Variants in CCDC91 observed in about 807,000 individuals in gnomAD.
CCDC91 encodes coiled-coil domain containing 91.
In CCDC91, 48 loss-of-function variants were observed where a neutral mutation model predicts 63.2. The ratio of observed to expected loss-of-function variants is 0.76; its 90% confidence interval spans 0.60 to 0.97. The LOEUF (loss-of-function observed/expected upper bound fraction) is 0.97, where lower values mean the gene tolerates loss of function less well. Among genes scored for constraint, CCDC91 ranks in the 50% least tolerant of loss-of-function variants. The pLI is 0.00. For missense variants in CCDC91, 500 were observed against 494.6 expected, an observed-to-expected ratio of 1.01 and a Z score of -0.10; for synonymous variants, 167 against 165.8, an observed-to-expected ratio of 1.01 and a Z score of -0.06.
At chr12:28,449,212 A>G (rs934367837) in intron 8 of CCDC91, among the ~76,000 whole-genome samples, 4 of 152,182 alleles carry the variant, frequency 2.6e-5, no homozygotes, top group Admixed American at 2.6e-4. Context: ...CTCAATATAG[A>G]CTGTCTCCCT....
At chr12:28,222,315 G>A (rs572854486) in intron 1 of CCDC91, among the ~76,000 whole-genome samples, 1 of 152,040 alleles carries the variant, frequency 6.6e-6, no homozygotes, top group African/African-American at 2.4e-5. Context: ...GGTGGTGCTG[G>A]TGCTGGTGAG....
chr12:28,483,839 C>T (rs772662960), intron 11 of CCDC91, among the ~76,000 whole-genome samples: 4 of 152,090 alleles, frequency 2.6e-5, no homozygotes, highest in Admixed American at 6.6e-5. Flanking sequence ...TGGCATATTC[C>T]GTTCCTTTCC....
chr12:28,499,992 C>G (rs1205642134), intron 12 of CCDC91, among the ~76,000 whole-genome samples: 1 of 152,122 alleles, frequency 6.6e-6, no homozygotes, highest in Admixed American at 6.6e-5. Flanking sequence ...TTCTCCACAT[C>G]CTCTCCAGCA....
intron 8 of CCDC91, among the ~76,000 whole-genome samples, chr12:28,432,228 A>G (rs1201786760): frequency 2.6e-5 from 4 of 151,882 alleles, no homozygotes; most frequent in South Asian, 2.1e-4. Context: ...ACCACAGTTT[A>G]TTTATCCATT....
At chr12:28,432,907 G>A (rs1948706941) in intron 8 of CCDC91, among the ~76,000 whole-genome samples, 1 of 151,974 alleles carries the variant, frequency 6.6e-6, no homozygotes, top group Non-Finnish European at 1.5e-5. Flanking sequence ...GCTGGATTTT[G>A]GCCATTCTGA....
intron 12 of CCDC91, among the ~76,000 whole-genome samples, chr12:28,544,324 A>C (rs1201090031): frequency 6.6e-6 from 1 of 151,650 alleles, no homozygotes; most frequent in Non-Finnish European, 1.5e-5. Flanking sequence ...TTCTTTCCCC[A>C]TGTTTTTAGA....
chr12:28,494,955 T>C (rs1179010861), intron 12 of CCDC91, among the ~76,000 whole-genome samples: 2 of 151,764 alleles, frequency 1.3e-5, no homozygotes, highest in East Asian at 1.9e-4. Context: ...TAAGGCCCAG[T>C]TGGGCTGGAT....
intron 6 of CCDC91, among the ~76,000 whole-genome samples, chr12:28,340,519 T>G (rs1228163299): frequency 6.6e-6 from 1 of 152,252 alleles, no homozygotes. Context: ...ATTCCTTGGC[T>G]CATGGTCCTC....
At chr12:28,375,304 T>C (rs908872864) in intron 7 of CCDC91, among the ~76,000 whole-genome samples, 22 of 151,954 alleles carry the variant, frequency 1.4e-4, no homozygotes, top group African/African-American at 5.3e-4. Flanking sequence ...ATGTAACATG[T>C]CAGATTTTTT....
chr12:28,207,694 T>G (rs1267001965), intron 1 of CCDC91, among the ~76,000 whole-genome samples: 1 of 152,216 alleles, frequency 6.6e-6, no homozygotes, highest in Non-Finnish European at 1.5e-5. Flanking sequence ...TAAACTATTT[T>G]CACAATTTAT....
chr12:28,400,273 G>T (rs1482307416), intron 8 of CCDC91, among the ~76,000 whole-genome samples: 2 of 152,114 alleles, frequency 1.3e-5, no homozygotes, highest in South Asian at 2.1e-4. Context: ...CTGTACGTTG[G>T]CCCCTTTTAG....
At chr12:28,391,510 G>A in intron 8 of CCDC91, 99 bp downstream of exon 8, 1 of 631,334 alleles carries the variant, frequency 1.6e-6, no homozygotes, top group East Asian at 3.1e-5. Flanking sequence ...CCATTTACTT[G>A]GTGTATTTTG....
At chr12:28,360,203 T>A (rs531843576) in intron 6 of CCDC91, among the ~76,000 whole-genome samples, 1 of 152,262 alleles carries the variant, frequency 6.6e-6, no homozygotes, top group East Asian at 1.9e-4. Context: ...TATGACAAGA[T>A]AAAGGGCTTA....
At chr12:28,284,946 T>G (rs1001171741) in intron 3 of CCDC91, among the ~76,000 whole-genome samples, 2 of 152,160 alleles carry the variant, frequency 1.3e-5, no homozygotes, top group African/African-American at 4.8e-5. Flanking sequence ...ATAACTCTCT[T>G]TGTATGAACT....
chr12:28,398,629 T>C (rs1222377539), intron 8 of CCDC91, among the ~76,000 whole-genome samples: 2 of 152,322 alleles, frequency 1.3e-5, no homozygotes, highest in East Asian at 3.9e-4. Context: ...ACATTCTCAC[T>C]ATCAATGTAT....
At chr12:28,427,493 C>T (rs138801243) in intron 8 of CCDC91, among the ~76,000 whole-genome samples, 10 of 152,116 alleles carry the variant, frequency 6.6e-5, no homozygotes, top group Non-Finnish European at 1.0e-4. Flanking sequence ...CCCGACCCCA[C>T]CCCTCACCAC....
intron 8 of CCDC91, among the ~76,000 whole-genome samples, chr12:28,443,569 G>A (rs1949345115): frequency 6.6e-6 from 1 of 151,958 alleles, no homozygotes; most frequent in African/African-American, 2.4e-5. Flanking sequence ...AGCAACAGAT[G>A]GATGGCAGGC....
chr12:28,526,239 C>T (rs1248982258), intron 12 of CCDC91, among the ~76,000 whole-genome samples: 1 of 151,480 alleles, frequency 6.6e-6, no homozygotes, highest in Admixed American at 6.6e-5. Flanking sequence ...GATGTGTTTC[C>T]AGAATTTGTT....
chr12:28,324,998 C>T (rs1268872537), intron 6 of CCDC91, among the ~76,000 whole-genome samples: 1 of 151,772 alleles, frequency 6.6e-6, no homozygotes, highest in Admixed American at 6.6e-5. Context: ...TTCAAAAGCT[C>T]TCAAGCAGAG....
Sources: gnomAD v4.1 joint callset for allele counts (sites outside exome capture counted in the v4.1 genomes callset) on GRCh38, gnomAD v4.1.1 for gene constraint, MANE v1.5 for transcripts, NCBI Gene and HGNC (gene_info 2026-07-23, HGNC 2026-07-21) for gene names.